The following CDH22 variants were observed in gnomAD, a reference collection of about 807,000 sequenced individuals.
CDH22 encodes cadherin 22, also known as cadherin-22.
A neutral mutation model predicts 58.4 loss-of-function variants in CDH22; 30 were observed. The ratio of observed to expected loss-of-function variants is 0.51; its 90% CI spans 0.38 to 0.70. The LOEUF (loss-of-function observed/expected upper bound fraction) is 0.70, where lower values mean the gene tolerates loss of function less well. Among genes scored for constraint, CDH22 ranks in the 30% least tolerant of loss-of-function variants. The pLI is 0.00. For synonymous variants in CDH22, 513 were observed against 558.2 expected, an observed-to-expected ratio of 0.92 and a Z score of 1.14; for missense variants, 1,014 against 1,233.9, an observed-to-expected ratio of 0.82 and a Z score of 2.67.
chr20:46,212,731 T>C (rs2086052328), intron 6 of CDH22, among the ~76,000 whole-genome samples: 1 of 151,986 alleles, frequency 6.6e-6, no homozygotes, highest in Non-Finnish European at 1.5e-5. Context: ...CACGTCAGAG[T>C]GTTTGAGGGT....
chr20:46,210,543 G>A lies in CDH22; in HGVS notation c.1050C>T (p.Ser350=), dbSNP rs760860598. 2.6e-5 allele frequency: 37 copies of A among 1,428,216 alleles called. No individual in the cohort carries two copies. The highest frequency in any genetic ancestry group is 2.9e-5 in the Non-Finnish European group (32 of 1,087,744). 88.5% of individuals were successfully genotyped at this position (1,428,216 alleles called of 1,614,324 possible). A position where few individuals can be genotyped will look rare whatever the true frequency, so the allele number is the denominator to read the frequency against. The change falls in exon 7 of 12, where the codon TCC becomes TCT. Residue 350 remains serine (S), a synonymous_variant. Coordinates refer to ENST00000537909, the MANE Select transcript of CDH22 (RefSeq NM_021248.3). This position sits in a 1 kb window ranked among gnomAD's most constrained non-coding sequence, Gnocchi z 4.5. The part of the protein sequence containing the change: ...IVVQKRLDFE[S]QPVHTVILEA... ...CCAGGATCACGGTGTGCACGGGCTGGGATTCGAAGTCCAGGCGCTGCGGGA... is the reference window on the plus strand; with the variant it reads ...CCAGGATCACGGTGTGCACGGGCTGAGATTCGAAGTCCAGGCGCTGCGGGA...
chr20:46,270,711 T>C (rs2086482878), intron 1 of CDH22, among the ~76,000 whole-genome samples: 1 of 152,186 alleles, frequency 6.6e-6, no homozygotes, highest in Admixed American at 6.5e-5. Context: ...TCTGTGTTCA[T>C]CTTTACCCCA....
intron 1 of CDH22, among the ~76,000 whole-genome samples, chr20:46,277,705 GA>G (rs2086526667): frequency 6.6e-6 from 1 of 152,050 alleles, no homozygotes; most frequent in African/African-American, 2.4e-5. Flanking sequence ...GACCAAGGGG[GA>G]GGGGCCCCTT....
In CDH22 at chr20:46,174,571, G is replaced by A. The variant is rs1213383948; in HGVS notation, c.2422C>T (p.Arg808Cys). ...DFAYLSSWGP[R>C]FRPLAALYAG... The stretch of plus-strand genomic sequence containing the variant: ...TAGAGCGCGGCCAGGGGCCGGAAGC[G>A]CGGACCCCAGCTGCTGAGATAGGCG... Residue 808 changes from arginine (R) to cysteine (C), a missense_variant, in exon 12 of 12, where the codon CGC (arginine) becomes TGC (cysteine). Coordinates refer to ENST00000537909, the MANE Select transcript of CDH22 (RefSeq NM_021248.3). The surrounding 1 kb of genome is among the most constrained non-coding windows in gnomAD (Gnocchi z 4.4). 2 of 1,528,986 alleles carry A rather than the reference G, an allele frequency of 1.3e-6. No individual in the cohort carries two copies. The highest frequency in any genetic ancestry group is 1.4e-5 in the African/African-American group (1 of 71,626). The allele number at this position is 1,528,986 out of a possible 1,614,324, so 94.7% of individuals were successfully genotyped here.
chr20:46,264,719 T>C (rs2086449840), intron 1 of CDH22, among the ~76,000 whole-genome samples: 1 of 152,034 alleles, frequency 6.6e-6, no homozygotes, highest in African/African-American at 2.4e-5. Flanking sequence ...GCATGAACCA[T>C]GTCCTTCCCC....
chr20:46,203,375 C>T lies in CDH22; in HGVS notation c.1287-3816G>A, dbSNP rs114786074. ...GCTTGTGCAGCTCACGTGTAGTGCT[C>T]GCATGGGTTGTGTATTTGGTCTGTG... is the stretch of plus-strand genomic sequence containing the variant. On this transcript the variant is annotated intron_variant, in intron 7 of 11. Transcript: ENST00000537909. Among the ~76,000 whole-genome samples the T allele has an allele frequency of 3.9e-3, 597 of 151,992 alleles. 5 individuals carry two copies. Among genetic ancestry groups the T allele is most frequent in the African/African-American group, 0.014 (566 of 41,418 alleles).
intron 7 of CDH22, among the ~76,000 whole-genome samples, chr20:46,201,161 G>A (rs558957066): frequency 3.5e-4 from 54 of 152,372 alleles, no homozygotes; most frequent in African/African-American, 1.0e-3. Flanking sequence ...GCGCCGCGAG[G>A]CTGCGCGCGG....
chr20:46,182,902 G>A (rs1388424783), intron 10 of CDH22, among the ~76,000 whole-genome samples: 1 of 152,228 alleles, frequency 6.6e-6, no homozygotes, highest in Non-Finnish European at 1.5e-5. Flanking sequence ...AAGGGGCTGA[G>A]GGACTGGAGG....
At position 46,182,081 on chromosome 20, in the gene CDH22, G is replaced by C. The variant is rs138109032; in HGVS notation, c.1664-3884C>G. On this transcript the variant is annotated intron_variant, in intron 10 of 11. Coordinates refer to ENST00000537909, the MANE Select transcript of CDH22 (RefSeq NM_021248.3). ...GATGTGCCTGCCTCAGCCTCCCAAA[G>C]TGCCATGATTACAGGCATGAGCCAC... Among the ~76,000 whole-genome samples, 723 of 152,226 alleles carry C rather than the reference G, an allele frequency of 4.7e-3. 5 individuals are homozygous for C. Among genetic ancestry groups the C allele is most frequent in the African/African-American group, 0.017 (710 of 41,510 alleles).
chr20:46,300,211 C>T lies in CDH22; in HGVS notation c.-400+8044G>A, dbSNP rs1293106855. 6.6e-6 allele frequency among the ~76,000 whole-genome samples: 1 copy of T among 152,136 alleles called. No homozygotes were observed. Among genetic ancestry groups the T allele is most frequent in the Non-Finnish European group, 1.5e-5 (1 of 68,010 alleles). Reference sequence around the variant, plus strand: ...TCCTAGAAGACGCAGGCCTTGGCAACCTCCTGGCCTGGGGGGTGGGCTGCC... The same window carrying T: ...TCCTAGAAGACGCAGGCCTTGGCAATCTCCTGGCCTGGGGGGTGGGCTGCC... On this transcript the variant is annotated intron_variant, in intron 1 of 11. Transcript: ENST00000537909. The surrounding 1 kb of genome is among the most constrained non-coding windows in gnomAD (Gnocchi z 4.4).
chr20:46,197,514 G>A (rs73115074), intron 8 of CDH22, among the ~76,000 whole-genome samples: 4,133 of 152,230 alleles, frequency 0.027, 96 homozygotes, highest in Middle Eastern at 0.048. Flanking sequence ...GTGATAGGCT[G>A]GTGGCGGAGG....
chr20:46,265,886 C>T (rs933220580), intron 1 of CDH22, among the ~76,000 whole-genome samples: 8 of 151,962 alleles, frequency 5.3e-5, no homozygotes, highest in Non-Finnish European at 1.0e-4. Context: ...GTTGCCTGCC[C>T]CCTGTTGTTC....
At chr20:46,196,029 T>C (rs1225703666) in intron 8 of CDH22, among the ~76,000 whole-genome samples, 1 of 152,106 alleles carries the variant, frequency 6.6e-6, no homozygotes, top group African/African-American at 2.4e-5. Flanking sequence ...GGAAGCCAAA[T>C]GGACGCTTTG....
chr20:46,297,809 A>T (rs2086635274), intron 1 of CDH22, among the ~76,000 whole-genome samples: 1 of 151,838 alleles, frequency 6.6e-6, no homozygotes, highest in African/African-American at 2.4e-5. Context: ...TGTTTTGGGG[A>T]TTAAATGCAG....
intron 1 of CDH22, among the ~76,000 whole-genome samples, chr20:46,279,949 C>T (rs185447926): frequency 8.1e-4 from 123 of 152,190 alleles, no homozygotes; most frequent in African/African-American, 2.8e-3. Context: ...ATCCTCCCAA[C>T]AAGACTTTGA....
intron 1 of CDH22, among the ~76,000 whole-genome samples, chr20:46,263,229 G>A (rs571868739): frequency 5.9e-5 from 9 of 152,220 alleles, no homozygotes; most frequent in East Asian, 1.9e-4. Context: ...ATGGATGAAC[G>A]GAAGGACACA....
chr20:46,245,349 G>A (rs1036337404), intron 2 of CDH22, among the ~76,000 whole-genome samples: 5 of 152,030 alleles, frequency 3.3e-5, no homozygotes, highest in African/African-American at 9.7e-5. Context: ...TTCCTGCCCC[G>A]TACACATGCC....
intron 8 of CDH22, among the ~76,000 whole-genome samples, chr20:46,198,876 C>T (rs945689973): frequency 6.6e-6 from 1 of 152,156 alleles, no homozygotes; most frequent in Non-Finnish European, 1.5e-5. Context: ...AATGTCTTTT[C>T]CTCATCTCTT....
intron 1 of CDH22, among the ~76,000 whole-genome samples, chr20:46,255,333 G>C (rs948546069): frequency 9.2e-5 from 14 of 152,178 alleles, no homozygotes; most frequent in African/African-American, 3.1e-4. Context: ...TTTACAGAGG[G>C]GGAAAGTAGA....
Sources: gnomAD v4.1 joint callset for allele counts (sites outside exome capture counted in the v4.1 genomes callset) on GRCh38, gnomAD v4.1.1 for gene constraint, Gnocchi (gnomAD v3.1) non-coding constraint, MANE v1.5 for transcripts, NCBI Gene and HGNC (gene_info 2026-07-23, HGNC 2026-07-21) for gene names.